Variants in GTF3C1 observed in about 807,000 individuals in gnomAD.
The protein encoded by GTF3C1 is general transcription factor 3C polypeptide 1.
GTF3C1 carries 57 observed loss-of-function variants against 226.7 expected under a neutral mutation model. That is an observed-to-expected ratio of 0.25 (90% CI 0.20 to 0.31). GTF3C1 has a LOEUF of 0.31. GTF3C1 is among the 10% of genes least tolerant of loss of function. GTF3C1 has a pLI of 1.00. For synonymous variants in GTF3C1, 1,090 were observed against 1,084.8 expected, an observed-to-expected ratio of 1.00 and a Z score of -0.09; for missense variants, 2,217 against 2,776.1, an observed-to-expected ratio of 0.80 and a Z score of 4.53.
At chr16:27,516,723 C>T (rs763793515) in intron 6 of GTF3C1, among the ~76,000 whole-genome samples, 1 of 152,238 alleles carries the variant, frequency 6.6e-6, no homozygotes, top group African/African-American at 2.4e-5. Context: ...CAGCCTCGAA[C>T]TCCAGGGCTC....
chr16:27,465,519 G>A lies in GTF3C1; in HGVS notation c.5096C>T (p.Thr1699Ile), dbSNP rs755652490. Reference sequence around the variant, plus strand: ...ATCAGGGAGGCAGGAGGTTCCCATTGTTAGCTCTTCCAGAGGAGCGGCTGT... The same window carrying A: ...ATCAGGGAGGCAGGAGGTTCCCATTATTAGCTCTTCCAGAGGAGCGGCTGT... Reference protein sequence around the residue: ...RPAAAPLEELTMGTSCLPDTF... With the variant: ...RPAAAPLEELIMGTSCLPDTF... Residue 1699 changes from threonine (T) to isoleucine (I), a missense_variant, in exon 33 of 37, where the codon ACA becomes ATA. Thr to Ile is a moderately conservative substitution (Grantham distance 89). Around this residue, in one of 12 missense-constraint regions of GTF3C1, gnomAD observed 455 missense variants for 441.9 expected, o/e 1.03. Transcript: ENST00000356183. 1.6e-5 allele frequency: 26 copies of A among 1,600,348 alleles called. No homozygotes were observed. Among genetic ancestry groups the A allele is most frequent in the African/African-American group, 1.3e-5 (1 of 74,898 alleles).
rs2087728664 is a variant in GTF3C1, at chr16:27,463,007, G to A, written c.5925-521C>T. On this transcript the variant is annotated intron_variant, in intron 35 of 36. Coordinates refer to ENST00000356183, the MANE Select transcript of GTF3C1 (RefSeq NM_001520.4). The surrounding 1 kb of genome is among the most constrained non-coding windows in gnomAD (Gnocchi z 4.9). ...ACACCAGGCTCTCATCGCTATGGCT[G>A]GGCCTTGGAGGGGGCACACCTGAGC... The A allele has an allele frequency of 1.2e-5, 2 of 171,852 alleles. No individual in the cohort carries two copies. The highest frequency in any genetic ancestry group is 2.4e-5 in the African/African-American group (1 of 42,010). The allele number at this position is 171,852 out of a possible 1,614,324, so 10.6% of individuals were successfully genotyped here.
At chr16:27,513,003 A>C (rs952528596) in intron 6 of GTF3C1, among the ~76,000 whole-genome samples, 1 of 152,220 alleles carries the variant, frequency 6.6e-6, no homozygotes, top group Non-Finnish European at 1.5e-5. Context: ...CATCCCCAAA[A>C]CATGTGAACA....
At chr16:27,484,599 A>C (rs2088106501) in intron 24 of GTF3C1, among the ~76,000 whole-genome samples, 1 of 152,092 alleles carries the variant, frequency 6.6e-6, no homozygotes, top group African/African-American at 2.4e-5. Context: ...AGCAAGCGCC[A>C]TGTGTGACAA....
chr16:27,534,657 C>T (rs1596658852), intron 4 of GTF3C1, among the ~76,000 whole-genome samples: 1 of 152,234 alleles, frequency 6.6e-6, no homozygotes, highest in Non-Finnish European at 1.5e-5. Flanking sequence ...TACCCCACAG[C>T]TGCCACCCTG....
rs754307325 is a variant in GTF3C1, at chr16:27,495,350, C to T, written c.2493G>A (p.Thr831=). The T allele has an allele frequency of 8.1e-6, 13 of 1,614,034 alleles. No individual in the cohort carries two copies. The highest frequency in any genetic ancestry group is 3.3e-5 in the Admixed American group (2 of 60,014). ...CTGCCCTGCCTGACTCCTGCTTTATCGTTCTCCGTTCACTGATGAAGCTTG... is the reference window on the plus strand; with the variant it reads ...CTGCCCTGCCTGACTCCTGCTTTATTGTTCTCCGTTCACTGATGAAGCTTG... ...EKPSFISERR[T]IKQESGRAGV... Residue 831 remains threonine, a synonymous_variant, in exon 15 of 37, where the codon ACG becomes ACA. Transcript: ENST00000356183.
intron 26 of GTF3C1, among the ~76,000 whole-genome samples, chr16:27,481,503 C>G (rs1314139144): frequency 6.6e-6 from 1 of 152,138 alleles, no homozygotes; most frequent in South Asian, 2.1e-4. Flanking sequence ...CAAACGTGCC[C>G]CACACAGTGC....
At chr16:27,497,112 A>G (rs2088330994) in intron 14 of GTF3C1, among the ~76,000 whole-genome samples, 1 of 152,220 alleles carries the variant, frequency 6.6e-6, no homozygotes, top group South Asian at 2.1e-4. Context: ...TTCCTGAACC[A>G]GCACATGTGC....
intron 26 of GTF3C1, 36 bp downstream of exon 26, chr16:27,483,008 C>G (rs756923441): frequency 5.7e-6 from 9 of 1,581,064 alleles, no homozygotes. Context: ...CCCAATCTCC[C>G]AAGCATACCA....
At chr16:27,511,198 A>C (rs2088566073) in intron 7 of GTF3C1, among the ~76,000 whole-genome samples, 1 of 152,216 alleles carries the variant, frequency 6.6e-6, no homozygotes, top group African/African-American at 2.4e-5. Context: ...GCACCATCCA[A>C]TCAGCCAGGG....
At position 27,481,123 on chromosome 16, in the gene GTF3C1, A is replaced by G. The variant is rs1305210496; in HGVS notation, c.4152T>C (p.Asn1384=). The change falls in exon 27 of 37, where the codon AAT becomes AAC. Residue 1384 remains asparagine, a synonymous_variant. Transcript: ENST00000356183. ...LKEKFSSALR[N]SNLEIPDTLQ... The stretch of plus-strand genomic sequence containing the variant: ...GTGTGTCTGGGATTTCAAGGTTAGA[A>G]TTCCTTAGGGCTGAACTGAACTTTT... 1 of 1,614,232 alleles carries G rather than the reference A, an allele frequency of 6.2e-7. No homozygotes were observed. The highest frequency in any genetic ancestry group is 2.2e-5 in the East Asian group (1 of 44,886).
rs1367285996 is a variant in GTF3C1, at chr16:27,486,106, G to C, written c.3749C>G (p.Ala1250Gly). 1 of 1,606,952 alleles carries C rather than the reference G, an allele frequency of 6.2e-7. No individual in the cohort carries two copies. Among genetic ancestry groups the C allele is most frequent in the South Asian group, 1.1e-5 (1 of 90,832 alleles). The part of the protein sequence containing the change: ...KSKRLRYHDE[A>G]DQSALQRMTR... ...CATCCGCTGCAGGGCACTCTGGTCG[G>C]CTTCATCATGGTAGCGCAGCCTTTT... is the stretch of plus-strand genomic sequence containing the variant. Residue 1250 changes from alanine (A) to glycine (G), a missense_variant, in exon 24 of 37, where the codon GCC becomes GGC. This residue lies in a region of GTF3C1 where 546 missense variants were observed against 663.0 expected (regional missense o/e 0.82). Coordinates refer to ENST00000356183, the MANE Select transcript of GTF3C1 (RefSeq NM_001520.4).
chr16:27,520,727 T>C (rs1223252421), intron 6 of GTF3C1, among the ~76,000 whole-genome samples: 4 of 152,134 alleles, frequency 2.6e-5, no homozygotes, highest in Non-Finnish European at 5.9e-5. Flanking sequence ...AATGCTTTTT[T>C]TGTTGTTGTT....
At position 27,506,981 on chromosome 16, in the gene GTF3C1, G is replaced by A. The variant is rs1271365562; in HGVS notation, c.1418C>T (p.Thr473Ile). 2 of 1,613,798 alleles carry A rather than the reference G, an allele frequency of 1.2e-6. No homozygotes were observed. Among genetic ancestry groups the A allele is most frequent in the Non-Finnish European group, 1.7e-6 (2 of 1,179,870 alleles). The change falls in exon 9 of 37, where the codon ACC becomes ATC. Residue 473 changes from threonine to isoleucine, a missense_variant. Around this residue, in one of 12 missense-constraint regions of GTF3C1, gnomAD observed 173 missense variants for 207.2 expected, o/e 0.83. Coordinates refer to ENST00000356183, the MANE Select transcript of GTF3C1 (RefSeq NM_001520.4). ...CTCACTGTCCGACTCAGAGAGGAAGGTGTCCTCGCCTTCAGGCAGAAGCGA... is the reference window on the plus strand; with the variant it reads ...CTCACTGTCCGACTCAGAGAGGAAGATGTCCTCGCCTTCAGGCAGAAGCGA... ...EESLLPEGED[T>I]FLSESDSEEE...
At chr16:27,502,355 A>G (rs1211932871) in intron 11 of GTF3C1, among the ~76,000 whole-genome samples, 1 of 152,134 alleles carries the variant, frequency 6.6e-6, no homozygotes, top group African/African-American at 2.4e-5. Flanking sequence ...GGTGGTGGTG[A>G]TGGGAGCTTA....
At chr16:27,496,199 C>T (rs2088314478) in intron 14 of GTF3C1, among the ~76,000 whole-genome samples, 1 of 152,110 alleles carries the variant, frequency 6.6e-6, no homozygotes. Flanking sequence ...TTCCTGAGGC[C>T]TCAGTAGAAC....
At position 27,502,972 on chromosome 16, in the gene GTF3C1, A is replaced by G; in HGVS notation, c.1794T>C (p.Thr598=). 1 of 1,612,708 alleles carries G rather than the reference A, an allele frequency of 6.2e-7. No individual in the cohort carries two copies. The highest frequency in any genetic ancestry group is 1.7e-5 in the Admixed American group (1 of 60,004). The change falls in exon 11 of 37, where the codon ACT becomes ACC. Residue 598 remains threonine (T), a synonymous_variant. Transcript: ENST00000356183. ...TGTCTTGGCCTGAGCTGTGCCTCCC[A>G]GTCTTCAGGGAACTGCTACTCTCCT... The part of the protein sequence containing the change: ...NPKESSSSLK[T]GRHSSGQDKP...
At position 27,488,384 on chromosome 16, in the gene GTF3C1, T is replaced by C. The variant is rs765492260; in HGVS notation, c.3543A>G (p.Ala1181=). Residue 1181 remains alanine, a synonymous_variant, in exon 23 of 37, where the codon GCA becomes GCG. Transcript: ENST00000356183. ...GNSRLNIWGE[A]RVGSELCAGW... is the part of the protein sequence containing the mutation. Reference sequence around the variant, plus strand: ...CAGCACAGAGCTCGGAGCCTACTCTTGCTTCCCCCCAAATATTCAACCTGC... The same window carrying C: ...CAGCACAGAGCTCGGAGCCTACTCTCGCTTCCCCCCAAATATTCAACCTGC... The C allele has an allele frequency of 3.7e-6, 6 of 1,613,636 alleles. No homozygotes were observed. The South Asian group carries it at 6.6e-5, about 18-fold the overall frequency.
chr16:27,468,718 G>A (rs547512474), intron 32 of GTF3C1, among the ~76,000 whole-genome samples: 6 of 152,094 alleles, frequency 3.9e-5, no homozygotes, highest in Non-Finnish European at 7.4e-5. Flanking sequence ...GCAACATAGC[G>A]AGTCCCCGTC....
Sources: gnomAD v4.1 joint callset for allele counts (sites outside exome capture counted in the v4.1 genomes callset) on GRCh38, gnomAD v4.1.1 for gene constraint, gnomAD v4.1.1 regional missense constraint, Gnocchi (gnomAD v3.1) non-coding constraint, MANE v1.5 for transcripts, NCBI Gene and HGNC (gene_info 2026-07-23, HGNC 2026-07-21) for gene names.